Variants in ERC2 observed in about 807,000 individuals in gnomAD.
ERC2 encodes the protein ERC protein 2.
A neutral mutation model predicts 114.8 loss-of-function variants in ERC2; 42 were observed. That is an observed-to-expected ratio of 0.37 (90% CI 0.29 to 0.47). The LOEUF (loss-of-function observed/expected upper bound fraction) is 0.47, where lower values mean the gene tolerates loss of function less well. Ranked by LOEUF, ERC2 falls within the 20% of genes least tolerant of loss-of-function variation. ERC2 has a pLI of 0.99. For synonymous variants in ERC2, 454 were observed against 425.5 expected (o/e 1.07, Z -0.82); for missense variants, 939 against 1,150.7 (o/e 0.82, Z 2.66).
At chr3:56,380,590 C>G (rs2059711652) in intron 2 of ERC2, among the ~76,000 whole-genome samples, 1 of 152,174 alleles carries the variant, frequency 6.6e-6, no homozygotes. Flanking sequence ...ACAGATAAAT[C>G]TTTAAAGCCT....
intron 2 of ERC2, among the ~76,000 whole-genome samples, chr3:56,431,003 G>C (rs1456108889): frequency 6.8e-6 from 1 of 146,716 alleles, no homozygotes; most frequent in East Asian, 1.9e-4. Context: ...CTTACCAACT[G>C]TGTGAACTTG....
intron 4 of ERC2, among the ~76,000 whole-genome samples, chr3:56,166,090 T>C (rs981558686): frequency 4.6e-5 from 7 of 152,028 alleles, no homozygotes; most frequent in Admixed American, 6.6e-5. Context: ...AAAAACATTT[T>C]TGGGGGCCAT....
At chr3:55,601,041 G>A (rs868385959) in intron 17 of ERC2, among the ~76,000 whole-genome samples, 6 of 152,356 alleles carry the variant, frequency 3.9e-5, no homozygotes, top group South Asian at 4.1e-4. Flanking sequence ...CCATGCGGAC[G>A]GGGGCTGGGG....
intron 2 of ERC2, among the ~76,000 whole-genome samples, chr3:56,425,327 A>G (rs2061525543): frequency 6.6e-6 from 1 of 152,066 alleles, no homozygotes; most frequent in African/African-American, 2.4e-5. Context: ...GGCTCTCTTG[A>G]CCTTTCAATT....
chr3:55,722,169 G>A (rs1006148398), intron 15 of ERC2, among the ~76,000 whole-genome samples: 5 of 152,056 alleles, frequency 3.3e-5, no homozygotes, highest in African/African-American at 1.2e-4. Flanking sequence ...GTGCCCAACG[G>A]GGTCATGTCT....
rs540504613 is a variant in ERC2, at chr3:55,549,789, C to T, written c.*40-38513G>A. Among the ~76,000 whole-genome samples, 13 of 152,028 alleles carry T rather than the reference C, an allele frequency of 8.6e-5. No individual in the cohort carries two copies. The South Asian group carries it at 1.7e-3, about 20-fold the overall frequency. Reference sequence around the variant, plus strand: ...TTAATGCACAGGGCCCTGTCCTCAGCGAGCTTTGCAGCAGCTGAAGCATCC... The same window carrying T: ...TTAATGCACAGGGCCCTGTCCTCAGTGAGCTTTGCAGCAGCTGAAGCATCC... On this transcript the variant is annotated intron_variant, in intron 17 of 17. Coordinates refer to ENST00000288221, the MANE Select transcript of ERC2 (RefSeq NM_015576.3).
At position 56,016,307 on chromosome 3, in the gene ERC2, C is replaced by T. The variant is rs531815400; in HGVS notation, c.1779+2587G>A. ...GTGCCTGTGTCCTGAAGGGTATTGC[C>T]TAGATTTTCTTCTAGAGTTTTTACA... On this transcript the variant is annotated intron_variant, in intron 8 of 17. Coordinates refer to ENST00000288221, the MANE Select transcript of ERC2 (RefSeq NM_015576.3). 1.4e-4 allele frequency among the ~76,000 whole-genome samples: 22 copies of T among 152,018 alleles called. No homozygotes were observed. The South Asian group carries it at 4.6e-3, about 32-fold the overall frequency.
At chr3:55,925,465 G>T (rs1576221473) in intron 13 of ERC2, among the ~76,000 whole-genome samples, 1 of 152,238 alleles carries the variant, frequency 6.6e-6, no homozygotes, top group East Asian at 1.9e-4. Flanking sequence ...GAAATATTTA[G>T]AGGCTAAAAT....
chr3:56,418,295 CAAAA>C (rs57185789), intron 2 of ERC2, among the ~76,000 whole-genome samples: 5 of 75,202 alleles, frequency 6.6e-5, no homozygotes, highest in Admixed American at 1.5e-4. Context: ...GATCCTGTCT[CAAAA>C]AAAAAAAAAA....
intron 2 of ERC2, among the ~76,000 whole-genome samples, chr3:56,399,386 C>T (rs562221601): frequency 6.6e-6 from 1 of 152,296 alleles, no homozygotes; most frequent in African/African-American, 2.4e-5. Flanking sequence ...GCTAAGCACT[C>T]AAAACACCTT....
At chr3:55,560,969 C>G (rs753132842) in intron 17 of ERC2, among the ~76,000 whole-genome samples, 7 of 152,114 alleles carry the variant, frequency 4.6e-5, no homozygotes, top group African/African-American at 9.7e-5. Flanking sequence ...CTTCTCCCAA[C>G]AAGACTCGGC....
At chr3:56,117,799 G>C (rs1430901255) in intron 6 of ERC2, among the ~76,000 whole-genome samples, 1 of 152,212 alleles carries the variant, frequency 6.6e-6, no homozygotes, top group Non-Finnish European at 1.5e-5. Flanking sequence ...TGTCTACACT[G>C]TATTGTCACT....
chr3:55,912,177 A>C (rs922428900), intron 13 of ERC2, among the ~76,000 whole-genome samples: 1 of 152,182 alleles, frequency 6.6e-6, no homozygotes, highest in Admixed American at 6.5e-5. Flanking sequence ...TGGGGTGTGG[A>C]GAGAGAGGTG....
At chr3:56,401,998 G>A (rs1447766481) in intron 2 of ERC2, among the ~76,000 whole-genome samples, 2 of 152,220 alleles carry the variant, frequency 1.3e-5, no homozygotes, top group Non-Finnish European at 2.9e-5. Flanking sequence ...AAGCAAGAGA[G>A]CTTGTGCAGG....
At chr3:55,683,937 C>T (rs1471616052) in intron 16 of ERC2, 78 bp from the exon 17 acceptor site, 21 of 1,492,606 alleles carry the variant, frequency 1.4e-5, no homozygotes, top group East Asian at 1.2e-4. Context: ...TTAGTTACAC[C>T]GAGATGCACT....
intron 7 of ERC2, among the ~76,000 whole-genome samples, chr3:56,037,434 C>T (rs376291135): frequency 7.2e-5 from 11 of 151,886 alleles, no homozygotes; most frequent in Non-Finnish European, 1.5e-4. Flanking sequence ...GAAGAGACCA[C>T]GCAGAAGAAA....
rs777439484 is a variant in ERC2 at position 55,992,129 on chromosome 3, C to A, written c.2183G>T (p.Arg728Leu). The A allele has an allele frequency of 6.2e-7, 1 of 1,613,946 alleles. No homozygotes were observed. The highest frequency in any genetic ancestry group is 1.1e-5 in the South Asian group (1 of 91,070). ...CACCTCCTTGAGGATCTCCAGCAACCGGTCCACTTCCGCTTGGGCCTTGCC... is the reference window on the plus strand; with the variant it reads ...CACCTCCTTGAGGATCTCCAGCAACAGGTCCACTTCCGCTTGGGCCTTGCC... The part of the protein sequence containing the change: ...ECGKAQAEVD[R>L]LLEILKEVEN... The change falls in exon 11 of 18, where the codon CGG becomes CTG. Residue 728 changes from arginine to leucine, a missense_variant. Coordinates refer to ENST00000288221, the MANE Select transcript of ERC2 (RefSeq NM_015576.3).
intron 15 of ERC2, among the ~76,000 whole-genome samples, chr3:55,727,830 T>A (rs201852367): frequency 6.6e-6 from 1 of 152,182 alleles, no homozygotes; most frequent in East Asian, 1.9e-4. Flanking sequence ...GGTAAAAAAA[T>A]TTGGAATAAA....
At chr3:56,087,344 C>T (rs2077557882) in intron 6 of ERC2, among the ~76,000 whole-genome samples, 1 of 152,052 alleles carries the variant, frequency 6.6e-6, no homozygotes, top group South Asian at 2.1e-4. Context: ...ATTGGCAAAA[C>T]GTTGCCAAAA....
Sources: gnomAD v4.1 joint callset for allele counts (sites outside exome capture counted in the v4.1 genomes callset) on GRCh38, gnomAD v4.1.1 for gene constraint, MANE v1.5 for transcripts, NCBI Gene and HGNC (gene_info 2026-07-23, HGNC 2026-07-21) for gene names.